EYA1: variants seen among roughly 807,000 people sequenced by gnomAD.
EYA1 encodes the protein EYA transcriptional coactivator and phosphatase 1, also known as protein phosphatase EYA1.
A neutral mutation model predicts 82.0 loss-of-function variants in EYA1; 16 were observed. That is an observed-to-expected ratio of 0.20 (90% CI 0.13 to 0.30). EYA1 has a LOEUF of 0.30. EYA1 is among the 10% of genes least tolerant of loss of function. The pLI, the probability that EYA1 is intolerant of heterozygous loss-of-function variation, is 1.00. For missense variants in EYA1, 633 were observed against 730.7 expected (o/e 0.87, Z 1.54); for synonymous variants, 261 against 264.4 (o/e 0.99, Z 0.12).
chr8:71,496,477 A>G (rs917778353), intron 2 of EYA1, among the ~76,000 whole-genome samples: 1 of 152,246 alleles, frequency 6.6e-6, no homozygotes, highest in African/African-American at 2.4e-5. Context: ...ATTTATATCT[A>G]AGCGAAACGT....
chr8:71,434,253 A>G (rs1367106734), intron 2 of EYA1, among the ~76,000 whole-genome samples: 2 of 152,180 alleles, frequency 1.3e-5, no homozygotes, highest in East Asian at 1.9e-4. Context: ...GAGAAATGAC[A>G]TGTTTCAGTA....
At chr8:71,255,125 A>AT (rs1264452673) in intron 11 of EYA1, among the ~76,000 whole-genome samples, 14 of 152,302 alleles carry the variant, frequency 9.2e-5, no homozygotes, top group African/African-American at 2.9e-4. Flanking sequence ...ATGGAAAGAC[A>AT]TCCCATGTTC....
chr8:71,521,761 T>C (rs1159947844), intron 2 of EYA1, among the ~76,000 whole-genome samples: 2 of 152,204 alleles, frequency 1.3e-5, no homozygotes, highest in African/African-American at 4.8e-5. Context: ...TTCACAAGCA[T>C]GACTCTGTTA....
chr8:71,322,159 C>A, intron 5 of EYA1, 40 bp downstream of exon 5: 1 of 1,507,912 alleles, frequency 6.6e-7, no homozygotes, highest in South Asian at 1.1e-5. Flanking sequence ...AAAGTCTACT[C>A]AGAGAAGTTA....
chr8:71,316,519 TTAAA>T (rs1333315283), intron 7 of EYA1, among the ~76,000 whole-genome samples: 1 of 152,160 alleles, frequency 6.6e-6, no homozygotes, highest in African/African-American at 2.4e-5. Flanking sequence ...CAATACTGTA[TTAAA>T]TAATGAGCCC....
chr8:71,311,194 G>A (rs573294815), intron 7 of EYA1, among the ~76,000 whole-genome samples: 22 of 152,292 alleles, frequency 1.4e-4, no homozygotes, highest in African/African-American at 4.6e-4. Context: ...AATGGATAGC[G>A]ACACCAGTGA....
At chr8:71,239,452 C>A (rs1812216295) in intron 12 of EYA1, among the ~76,000 whole-genome samples, 1 of 152,156 alleles carries the variant, frequency 6.6e-6, no homozygotes, top group African/African-American at 2.4e-5. Context: ...TCATGGTCAA[C>A]ATATATAAGG....
rs529374375 is a variant in EYA1, at chr8:71,325,493, T to C, written c.203-3225A>G. On this transcript the variant is annotated intron_variant, in intron 4 of 17. Transcript: ENST00000340726. ...GCACCTGACAGGGCCTGGTATGTGGTAGAGGGAATCAACACACACTATTTG... is the reference window on the plus strand; with the variant it reads ...GCACCTGACAGGGCCTGGTATGTGGCAGAGGGAATCAACACACACTATTTG... Among the ~76,000 whole-genome samples, 3 of 152,308 alleles carry C rather than the reference T, an allele frequency of 2.0e-5. No individual in the cohort carries two copies. In the South Asian group the frequency reaches 6.2e-4, roughly 32 times the overall value.
intron 1 of EYA1, among the ~76,000 whole-genome samples, chr8:71,358,247 A>C (rs1026253067): frequency 8.5e-5 from 13 of 152,212 alleles, no homozygotes; most frequent in African/African-American, 2.9e-4. Flanking sequence ...GTTGTTAATA[A>C]AGAAAAAGTG....
chr8:71,530,525 A>G (rs903135349), intron 2 of EYA1, among the ~76,000 whole-genome samples: 2 of 152,226 alleles, frequency 1.3e-5, no homozygotes, highest in African/African-American at 2.4e-5. Context: ...TATTTAAGTT[A>G]TCTAAAAGTT....
intron 12 of EYA1, among the ~76,000 whole-genome samples, chr8:71,240,711 C>G (rs1812380786): frequency 6.6e-6 from 1 of 152,160 alleles, no homozygotes; most frequent in African/African-American, 2.4e-5. Context: ...TCAACATGAA[C>G]TTAAAGCATT....
At chr8:71,508,339 T>C (rs974560844) in intron 2 of EYA1, among the ~76,000 whole-genome samples, 1 of 152,146 alleles carries the variant, frequency 6.6e-6, no homozygotes, top group Non-Finnish European at 1.5e-5. Flanking sequence ...AGTGGCACGA[T>C]CTCAGCTCAT....
rs373756031 is a variant in EYA1, at chr8:71,487,736, T to C, written c.33+48008A>G. Among the ~76,000 whole-genome samples the C allele has an allele frequency of 2.0e-5, 3 of 152,296 alleles. No individual in the cohort carries two copies. In the East Asian group the frequency reaches 5.8e-4, roughly 29 times the overall value. On this transcript the variant is annotated intron_variant, in intron 2 of 18. Transcript: ENST00000643681. ...CGGGCATAAGAAAAAGGTCTCAACTTATCAAGAAAAGACAAATTAAATCAC... is the reference window on the plus strand; with the variant it reads ...CGGGCATAAGAAAAAGGTCTCAACTCATCAAGAAAAGACAAATTAAATCAC...
chr8:71,412,797 A>C (rs116824855), intron 2 of EYA1, among the ~76,000 whole-genome samples: 154 of 152,330 alleles, frequency 1.0e-3, no homozygotes, highest in African/African-American at 3.7e-3. Context: ...TCGAGTCATC[A>C]TCATGATCCC....
At chr8:71,386,305 G>A (rs1828963040) in intron 2 of EYA1, among the ~76,000 whole-genome samples, 1 of 152,178 alleles carries the variant, frequency 6.6e-6, no homozygotes, top group African/African-American at 2.4e-5. Flanking sequence ...TAGGGGAAGG[G>A]ATAGGGCAAA....
intron 12 of EYA1, among the ~76,000 whole-genome samples, chr8:71,232,574 A>G (rs1811325134): frequency 6.6e-6 from 1 of 152,210 alleles, no homozygotes; most frequent in Non-Finnish European, 1.5e-5. Flanking sequence ...CCGGCATGCA[A>G]CTGGGGGTGG....
At chr8:71,545,754 G>C (rs890614928) in intron 1 of EYA1, among the ~76,000 whole-genome samples, 1 of 151,538 alleles carries the variant, frequency 6.6e-6, no homozygotes, top group Non-Finnish European at 1.5e-5. Flanking sequence ...GTAGTGGCAG[G>C]GTTTCACCCG....
At chr8:71,387,263 A>T (rs1829019103) in intron 2 of EYA1, among the ~76,000 whole-genome samples, 1 of 152,192 alleles carries the variant, frequency 6.6e-6, no homozygotes, top group African/African-American at 2.4e-5. Flanking sequence ...GTAAGCTGGG[A>T]ATGACAAGCA....
chr8:71,413,629 C>T (rs531984489), intron 2 of EYA1, among the ~76,000 whole-genome samples: 2 of 152,136 alleles, frequency 1.3e-5, no homozygotes, highest in East Asian at 1.9e-4. Context: ...TGATTATAAA[C>T]AAAGGAAAAA....
Sources: gnomAD v4.1 joint callset for allele counts (sites outside exome capture counted in the v4.1 genomes callset) on GRCh38, gnomAD v4.1.1 for gene constraint, MANE v1.5 for transcripts, NCBI Gene and HGNC (gene_info 2026-07-23, HGNC 2026-07-21) for gene names.